TSPAN17: variants seen among roughly 807,000 people sequenced by gnomAD.
The protein encoded by TSPAN17 is tetraspanin-17.
TSPAN17 carries 33 observed loss-of-function variants against 40.5 expected under a neutral mutation model. The ratio of observed to expected loss-of-function variants is 0.81; its 90% CI spans 0.62 to 1.09. The LOEUF (loss-of-function observed/expected upper bound fraction) is 1.09. TSPAN17 is among the 50% of genes least tolerant of loss of function. The pLI, the probability that TSPAN17 is intolerant of heterozygous loss-of-function variation, is 0.00. For synonymous variants in TSPAN17, 166 were observed against 169.4 expected, an observed-to-expected ratio of 0.98 and a Z score of 0.15; for missense variants, 365 against 416.8, an observed-to-expected ratio of 0.88 and a Z score of 1.08.
rs1011437263 is a variant in TSPAN17, at chr5:176,650,763, C to T, written c.88-853C>T. 6.6e-6 allele frequency among the ~76,000 whole-genome samples: 1 copy of T among 152,098 alleles called. No individual in the cohort carries two copies. Among genetic ancestry groups the T allele is most frequent in the African/African-American group, 2.4e-5 (1 of 41,436 alleles). ...AGATAAAGCAGGTGGGTGGGGAGGT[C>T]GCAGGAGGTGGGGTCATGGCCCTGG... On this transcript the variant is annotated intron_variant, in intron 1 of 8. Transcript: ENST00000508164. This position sits in a 1 kb window ranked among gnomAD's most constrained non-coding sequence, Gnocchi z 4.0.
chr5:176,655,097 C>A, intron 5 of TSPAN17, 77 bp downstream of exon 5: 1 of 1,508,338 alleles, frequency 6.6e-7, no homozygotes, highest in Non-Finnish European at 8.9e-7. Context: ...CAGGGCCCCG[C>A]TCCGCTCTGC....
rs1254527140 is a variant in TSPAN17 at position 176,655,010 on chromosome 5, G to A, written c.572G>A (p.Arg191Lys). 1 of 1,605,242 alleles carries A rather than the reference G, an allele frequency of 6.2e-7. No homozygotes were observed. The highest frequency in any genetic ancestry group is 1.1e-5 in the South Asian group (1 of 89,682). ...RCGVPFSCCVRDPAEDVLNTQ... is the reference protein window; with the variant it reads ...RCGVPFSCCVKDPAEDVLNTQ... ...GGGGTGCCCTTCTCCTGCTGCGTCAGGGACCCTGCGGTGAGTGGGGCTGGG... is the reference window on the plus strand; with the variant it reads ...GGGGTGCCCTTCTCCTGCTGCGTCAAGGACCCTGCGGTGAGTGGGGCTGGG... Residue 191 changes from arginine to lysine, a missense_variant, in exon 5 of 9, where the codon AGG (arginine) becomes AAG (lysine). Physicochemically the swap from Arg to Lys is conservative, Grantham distance 26. Coordinates refer to ENST00000508164, the MANE Select transcript of TSPAN17 (RefSeq NM_130465.5).
At chr5:176,648,010 G>A (rs1029494020) in intron 1 of TSPAN17, among the ~76,000 whole-genome samples, 3 of 152,182 alleles carry the variant, frequency 2.0e-5, no homozygotes, top group African/African-American at 4.8e-5. Context: ...GCTAGGTGCA[G>A]GTTGCCCCCT....
In TSPAN17 at chr5:176,657,805, A is replaced by G. The variant is rs900231671; in HGVS notation, c.*107A>G. On this transcript the variant is annotated 3_prime_UTR_variant, in exon 9 of 9. Coordinates refer to ENST00000508164, the MANE Select transcript of TSPAN17 (RefSeq NM_130465.5). ...CTGGGACACTGCCTCCCCAGTCACC[A>G]AGGGCCCCAGCTGGCCCGTTCTACT... The G allele has an allele frequency of 3.3e-6, 5 of 1,506,666 alleles. No homozygotes were observed. The East Asian group carries it at 6.9e-5, about 21-fold the overall frequency. The allele number at this position is 1,506,666 out of a possible 1,614,324, so 93.3% of individuals were successfully genotyped here. A position where few individuals can be genotyped will look rare whatever the true frequency, so the allele number is the denominator to read the frequency against.
At chr5:176,653,908 C>T (rs941008819) in intron 4 of TSPAN17, 3 of 152,148 alleles carry the variant, frequency 2.0e-5, no homozygotes, top group Non-Finnish European at 2.9e-5. Context: ...GGCTGGCAGT[C>T]GGGAAGAGAC....
Position 176,652,768 on chromosome 5 carries a change from T to C in TSPAN17, c.311T>C (p.Phe104Ser), listed in dbSNP as rs1761018373. The change falls in exon 4 of 9, where the codon TTC (phenylalanine) becomes TCC (serine). Residue 104 changes from phenylalanine to serine, a missense_variant. By Grantham distance (155) the Phe-to-Ser change is radical. Coordinates refer to ENST00000508164, the MANE Select transcript of TSPAN17 (RefSeq NM_130465.5). The stretch of plus-strand genomic sequence containing the variant: ...TTCTCCGTGTTCCTCGGTCTCATCT[T>C]CTTCCTGGAGCTGGCAACAGGGATC... ...KFFSVFLGLI[F>S]FLELATGILA... 1 of 1,614,006 alleles carries C rather than the reference T, an allele frequency of 6.2e-7. No individual in the cohort carries two copies. Among genetic ancestry groups the C allele is most frequent in the Non-Finnish European group, 8.5e-7 (1 of 1,180,008 alleles).
chr5:176,653,747 C>T (rs1761051951), intron 4 of TSPAN17: 1 of 152,198 alleles, frequency 6.6e-6, no homozygotes, highest in African/African-American at 2.4e-5. Flanking sequence ...AAGCAGCTCT[C>T]AACCCAGGGC....
At chr5:176,657,164 C>G (rs1399296961) in intron 8 of TSPAN17, 3 of 624,992 alleles carry the variant, frequency 4.8e-6, no homozygotes, top group Non-Finnish European at 8.3e-6. Flanking sequence ...GTCCCATATG[C>G]GTGTGTACAC....
chr5:176,649,233 G>A (rs4867841), intron 1 of TSPAN17, among the ~76,000 whole-genome samples: 96,237 of 151,604 alleles, frequency 0.63, 31,153 homozygotes, highest in Non-Finnish European at 0.67. Flanking sequence ...AAAGGTGAGG[G>A]AGGTTGCTGG....
intron 8 of TSPAN17, 49 bp downstream of exon 8, chr5:176,657,005 T>TG (rs1201987537): frequency 6.3e-7 from 1 of 1,584,956 alleles, no homozygotes. Flanking sequence ...CGCAGGCCTC[T>TG]GGGGGGCCCC....
At chr5:176,656,636 G>A (rs1462915960) in intron 6 of TSPAN17, 64 bp from the exon 7 acceptor site, 2 of 1,551,064 alleles carry the variant, frequency 1.3e-6, no homozygotes, top group East Asian at 2.2e-5. Context: ...AGCTTGGCAG[G>A]CTGGGAGGGT....
chr5:176,648,180 G>A (rs1210316993), intron 1 of TSPAN17, among the ~76,000 whole-genome samples: 1 of 152,158 alleles, frequency 6.6e-6, no homozygotes, highest in African/African-American at 2.4e-5. Flanking sequence ...CTCACCTTAG[G>A]CTCCTGCAGA....
rs1270140338 is a variant in TSPAN17, at chr5:176,651,536, C to A, written c.88-80C>A. ...CCTCTTCCTCTCTCCGCTGGAAAGG[C>A]CCTGGCTACCGGGGAAGGATGAGGG... On this transcript the variant is annotated intron_variant, in intron 1 of 8. Coordinates refer to ENST00000508164, the MANE Select transcript of TSPAN17 (RefSeq NM_130465.5). This position sits in a 1 kb window ranked among gnomAD's most constrained non-coding sequence, Gnocchi z 4.5. 3.5e-5 allele frequency: 52 copies of A among 1,473,446 alleles called. No homozygotes were observed. The highest frequency in any genetic ancestry group is 4.6e-5 in the Non-Finnish European group (50 of 1,095,770). The allele number at this position is 1,473,446 out of a possible 1,614,324, so 91.3% of individuals were successfully genotyped here. A position where few individuals can be genotyped will look rare whatever the true frequency, so the allele number is the denominator to read the frequency against.
rs1761138955 is a variant in TSPAN17 at position 176,655,944 on chromosome 5, A to C, written c.583-134A>C. On this transcript the variant is annotated intron_variant, in intron 5 of 8. Coordinates refer to ENST00000508164, the MANE Select transcript of TSPAN17 (RefSeq NM_130465.5). ...CATGGGCCTCAGAGAGGCTCACTTA[A>C]GACTGGTGGACACGGCAGAATCCAC... The C allele has an allele frequency of 1.6e-5, 13 of 809,652 alleles. No homozygotes were observed. The East Asian group carries it at 3.2e-4, about 20-fold the overall frequency. 50.2% of individuals were successfully genotyped at this position (809,652 alleles called of 1,614,324 possible).
chr5:176,651,601 T>C lies in TSPAN17; in HGVS notation c.88-15T>C, dbSNP rs767907710. ...GCTGCTCCCAGCCCTGAGCTCTTTGTTGCTGCCCTTGCAGGTGCTGGGAGC... is the reference window on the plus strand; with the variant it reads ...GCTGCTCCCAGCCCTGAGCTCTTTGCTGCTGCCCTTGCAGGTGCTGGGAGC... On this transcript the variant is annotated splice_polypyrimidine_tract_variant and intron_variant, in intron 1 of 8. Coordinates refer to ENST00000508164, the MANE Select transcript of TSPAN17 (RefSeq NM_130465.5). The surrounding 1 kb of genome is among the most constrained non-coding windows in gnomAD (Gnocchi z 4.5). The C allele has an allele frequency of 1.2e-6, 2 of 1,610,656 alleles. No homozygotes were observed. Among genetic ancestry groups the C allele is most frequent in the South Asian group, 2.2e-5 (2 of 90,688 alleles).
chr5:176,648,981 C>T (rs1015580779), intron 1 of TSPAN17, among the ~76,000 whole-genome samples: 1 of 152,132 alleles, frequency 6.6e-6, no homozygotes, highest in African/African-American at 2.4e-5. Context: ...GAGCTGTGAG[C>T]AGAAGTAACC....
intron 3 of TSPAN17, among the ~76,000 whole-genome samples, chr5:176,652,313 C>G (rs1384233605): frequency 6.6e-6 from 1 of 152,172 alleles, no homozygotes; most frequent in East Asian, 1.9e-4. Flanking sequence ...CTCTTCCCAA[C>G]CGTTTTCCCA....
In TSPAN17 at chr5:176,654,373, G is replaced by GCTTA. The variant is rs1390901667; in HGVS notation, c.457-521_457-518dup. The GCTTA allele has an allele frequency of 6.1e-6, 1 of 163,360 alleles. No individual in the cohort carries two copies. Among genetic ancestry groups the GCTTA allele is most frequent in the African/African-American group, 2.4e-5 (1 of 41,618 alleles). 10.1% of individuals were successfully genotyped at this position (163,360 alleles called of 1,614,324 possible). A position where few individuals can be genotyped will look rare whatever the true frequency, so the allele number is the denominator to read the frequency against. On this transcript the variant is annotated intron_variant, in intron 4 of 8. Transcript: ENST00000508164. The surrounding 1 kb of genome is among the most constrained non-coding windows in gnomAD (Gnocchi z 4.3). Reference sequence around the variant, plus strand: ...CGCCATTGCTCCTGCCTAGGGGACAGCTTAGGGTGTTCTGGGTGGGGGTGA... The same window carrying GCTTA: ...CGCCATTGCTCCTGCCTAGGGGACAGCTTACTTAGGGTGTTCTGGGTGGGGGTGA...
intron 8 of TSPAN17, 107 bp from the exon 9 acceptor site, chr5:176,657,411 C>T: frequency 3.3e-6 from 5 of 1,518,408 alleles, no homozygotes; most frequent in South Asian, 1.3e-5. Flanking sequence ...TCAGAGCACT[C>T]TTTTCTATGA....
Sources: allele counts gnomAD v4.1 joint callset (sites outside exome capture counted in the v4.1 genomes callset), GRCh38; gene constraint gnomAD v4.1.1; non-coding constraint Gnocchi (gnomAD v3.1); transcripts MANE v1.5; gene names NCBI Gene and HGNC (gene_info 2026-07-23, HGNC 2026-07-21).